Variants in TUSC3 observed in about 807,000 individuals in gnomAD.
The protein encoded by TUSC3 is dolichyl-diphosphooligosaccharide--protein glycosyltransferase subunit TUSC3.
TUSC3 carries 45 observed loss-of-function variants against 44.8 expected under a neutral mutation model. The observed-to-expected ratio is 1.00, with a 90% CI of 0.79 to 1.29. The LOEUF is 1.29. Among genes scored for constraint, TUSC3 ranks in the 50% most tolerant of loss-of-function variants. The pLI is 0.00. For synonymous variants in TUSC3, 212 were observed against 152.9 expected (o/e 1.39, Z -2.85); for missense variants, 519 against 437.9 (o/e 1.19, Z -1.65).
intron 6 of TUSC3, among the ~76,000 whole-genome samples, chr8:15,692,974 A>G (rs1808986093): frequency 6.6e-6 from 1 of 152,160 alleles, no homozygotes; most frequent in African/African-American, 2.4e-5. Context: ...TTGGAATACC[A>G]AACTCTGCTT....
intron 3 of TUSC3, among the ~76,000 whole-genome samples, chr8:15,657,859 C>A (rs1029944952): frequency 6.6e-6 from 1 of 152,132 alleles, no homozygotes; most frequent in African/African-American, 2.4e-5. Context: ...ATATTTGTTT[C>A]CCATAGTGCT....
rs370580712 is a variant in TUSC3 at position 15,553,801 on chromosome 8, G to A, written c.138+13233G>A. On this transcript the variant is annotated intron_variant, in intron 1 of 10. Transcript: ENST00000503731. ...AGAAGCTGAAATGAAAATAAAGAATGTTATGTCAGGTGACTGAGAAGGTAG... is the reference window on the plus strand; with the variant it reads ...AGAAGCTGAAATGAAAATAAAGAATATTATGTCAGGTGACTGAGAAGGTAG... 4.0e-5 allele frequency among the ~76,000 whole-genome samples: 6 copies of A among 151,832 alleles called. 1 individual carries two copies. Among genetic ancestry groups the A allele is most frequent in the African/African-American group, 1.4e-4 (6 of 41,520 alleles).
intron 1 of TUSC3, among the ~76,000 whole-genome samples, chr8:15,542,910 C>A (rs1231842769): frequency 6.6e-6 from 1 of 152,170 alleles, no homozygotes; most frequent in Admixed American, 6.5e-5. Flanking sequence ...CAAGACTGTA[C>A]TTTCAGGGAT....
the TUSC3 span, among the ~76,000 whole-genome samples, chr8:15,776,153 A>G: frequency 7.2e-4 from 109 of 152,206 alleles, no homozygotes; most frequent in East Asian, 0.015. Flanking sequence ...AATTGCTTTT[A>G]TATCAAACAC....
chr8:15,750,299 A>T (rs1368111981), intron 9 of TUSC3, among the ~76,000 whole-genome samples: 1 of 152,072 alleles, frequency 6.6e-6, no homozygotes, highest in Non-Finnish European at 1.5e-5. Context: ...AGCCCTATTT[A>T]GTTGACAGGA....
At chr8:15,461,755 G>GA (rs148240096) in intron 1 of TUSC3, among the ~76,000 whole-genome samples, 94 of 145,420 alleles carry the variant, frequency 6.5e-4, no homozygotes, top group Middle Eastern at 7.0e-3. Flanking sequence ...GAAAAAAAAA[G>GA]AAAAAAAAGA....
At chr8:15,690,686 A>T (rs1345811458) in intron 6 of TUSC3, among the ~76,000 whole-genome samples, 1 of 152,104 alleles carries the variant, frequency 6.6e-6, no homozygotes, top group Non-Finnish European at 1.5e-5. Context: ...GTATAGTGTA[A>T]GGAAGGGATC....
chr8:15,519,988 T>C (rs75363395), intron 2 of TUSC3, among the ~76,000 whole-genome samples: 14,663 of 152,178 alleles, frequency 0.096, 1,585 homozygotes, highest in African/African-American at 0.27. Flanking sequence ...CTTTGCTCAC[T>C]GTTGGCTCTT....
At chr8:15,610,381 A>G (rs555260702) in intron 1 of TUSC3, among the ~76,000 whole-genome samples, 2 of 152,302 alleles carry the variant, frequency 1.3e-5, no homozygotes, top group African/African-American at 4.8e-5. Context: ...TAAGTTTCTC[A>G]TGGAGAAACA....
chr8:15,538,657 C>A (rs1168655134), upstream of TUSC3, among the ~76,000 whole-genome samples: 4 of 152,112 alleles, frequency 2.6e-5, no homozygotes, highest in Non-Finnish European at 5.9e-5. Flanking sequence ...AAAATCGTAA[C>A]TTTATGTCTA....
intron 1 of TUSC3, among the ~76,000 whole-genome samples, chr8:15,425,067 G>A (rs936737044): frequency 7.9e-5 from 12 of 152,136 alleles, no homozygotes; most frequent in African/African-American, 2.9e-4. Context: ...CTAGGAATGA[G>A]ATAAAAACTG....
chr8:15,693,876 C>G (rs1383433428), intron 6 of TUSC3, among the ~76,000 whole-genome samples: 1 of 151,900 alleles, frequency 6.6e-6, no homozygotes, highest in East Asian at 1.9e-4. Flanking sequence ...TGAGTTATTT[C>G]AAAGAGCCAG....
chr8:15,515,372 G>A (rs188791776), intron 2 of TUSC3, among the ~76,000 whole-genome samples: 57 of 152,248 alleles, frequency 3.7e-4, no homozygotes, highest in African/African-American at 1.3e-3. Context: ...ATGAAGACAA[G>A]AGTCCTGAAT....
At chr8:15,479,692 G>T (rs746246345) in intron 1 of TUSC3, among the ~76,000 whole-genome samples, 28 of 152,270 alleles carry the variant, frequency 1.8e-4, no homozygotes, top group Non-Finnish European at 3.2e-4. Context: ...ATACCTTGTA[G>T]TATAATTTGA....
chr8:15,842,327 T>C, the TUSC3 span, among the ~76,000 whole-genome samples: 1 of 152,204 alleles, frequency 6.6e-6, no homozygotes, highest in African/African-American at 2.4e-5. Context: ...CCTCATCATC[T>C]ATAAATCAGT....
chr8:15,445,871 G>A (rs1021330894), intron 1 of TUSC3, among the ~76,000 whole-genome samples: 1 of 152,156 alleles, frequency 6.6e-6, no homozygotes, highest in Non-Finnish European at 1.5e-5. Context: ...GCCGGGCAGA[G>A]GGGCTCCTCA....
At chr8:15,454,491 C>G (rs909093571) in intron 1 of TUSC3, among the ~76,000 whole-genome samples, 1 of 152,184 alleles carries the variant, frequency 6.6e-6, no homozygotes, top group South Asian at 2.1e-4. Context: ...CTAAAGGAAT[C>G]TATTTTGCTT....
At chr8:15,726,233 T>A (rs191266189) in intron 6 of TUSC3, among the ~76,000 whole-genome samples, 1,674 of 152,276 alleles carry the variant, frequency 0.011, 11 homozygotes, top group Non-Finnish European at 0.018. Context: ...CCATTTTACT[T>A]TTATTCATTC....
intron 9 of TUSC3, among the ~76,000 whole-genome samples, chr8:15,755,275 A>G (rs1414848398): frequency 6.6e-6 from 1 of 152,138 alleles, no homozygotes; most frequent in East Asian, 1.9e-4. Context: ...CAACTATTAG[A>G]AAGATTACAT....
Sources: gnomAD v4.1 joint callset for allele counts (sites outside exome capture counted in the v4.1 genomes callset) on GRCh38, gnomAD v4.1.1 for gene constraint, MANE v1.5 for transcripts, NCBI Gene and HGNC (gene_info 2026-07-23, HGNC 2026-07-21) for gene names.